The following WTAP variants were observed in gnomAD, a reference collection of about 807,000 sequenced individuals.
The protein encoded by WTAP is pre-mRNA-splicing regulator WTAP.
In WTAP, 8 loss-of-function variants were observed where a neutral mutation model predicts 50.0. The ratio of observed to expected loss-of-function variants is 0.16; its 90% CI spans 0.09 to 0.29. WTAP has a LOEUF of 0.29. Ranked by LOEUF, WTAP falls within the 10% of genes least tolerant of loss-of-function variation. WTAP has a pLI of 1.00. For synonymous variants in WTAP, 194 were observed against 169.0 expected (o/e 1.15, Z -1.15); for missense variants, 295 against 470.7 (o/e 0.63, Z 3.45).
rs1383812379 is a variant in WTAP at position 159,741,953 on chromosome 6, A to G, written c.87-135A>G. ...GGGGACAGAGCGAGACTCTGTCTAAAAAAAACTAGATTTAAAATGAAAAAT... is the reference window on the plus strand; with the variant it reads ...GGGGACAGAGCGAGACTCTGTCTAAGAAAAACTAGATTTAAAATGAAAAAT... On this transcript the variant is annotated intron_variant, in intron 3 of 7. Transcript: ENST00000621533. 4 of 693,392 alleles carry G rather than the reference A, an allele frequency of 5.8e-6. No individual in the cohort carries two copies. The South Asian group carries it at 7.1e-5, about 12-fold the overall frequency. The allele number at this position is 693,392 out of a possible 1,614,324, so 43.0% of individuals were successfully genotyped here.
chr6:159,737,258 A>G (rs1441717709), intron 2 of WTAP, among the ~76,000 whole-genome samples: 2 of 152,162 alleles, frequency 1.3e-5, no homozygotes, highest in Non-Finnish European at 2.9e-5. Context: ...CATGTTGCCC[A>G]GGCTGGTCTC....
intron 1 of WTAP, among the ~76,000 whole-genome samples, 159 bp downstream of exon 1, chr6:159,727,862 C>G (rs891935225): frequency 1.3e-5 from 2 of 152,222 alleles, no homozygotes; most frequent in Admixed American, 6.5e-5. Flanking sequence ...ACCTTCCCGC[C>G]TGCGGGGAAC....
At chr6:159,735,058 A>G (rs1293262256) in intron 1 of WTAP, among the ~76,000 whole-genome samples, 1 of 152,218 alleles carries the variant, frequency 6.6e-6, no homozygotes, top group Non-Finnish European at 1.5e-5. Context: ...AAAGAAGCTA[A>G]TTTTGAGATA....
chr6:159,741,647 T>C (rs1363634199), intron 3 of WTAP: 1 of 158,346 alleles, frequency 6.3e-6, no homozygotes, highest in East Asian at 1.9e-4. Flanking sequence ...TTTACCTGTT[T>C]CCTGTAAAAT....
intron 6 of WTAP, among the ~76,000 whole-genome samples, chr6:159,752,182 C>T (rs147136706): frequency 6.6e-6 from 1 of 152,036 alleles, no homozygotes; most frequent in African/African-American, 2.4e-5. Context: ...GTGTATCAGG[C>T]AAGTGAAAGC....
intron 4 of WTAP, among the ~76,000 whole-genome samples, chr6:159,743,340 C>T (rs192904793): frequency 1.1e-4 from 17 of 152,342 alleles, no homozygotes; most frequent in Admixed American, 1.1e-3. Context: ...AGCCTCTGTG[C>T]CCAGACAGCA....
At chr6:159,738,373 CA>C (rs1779048119) in intron 2 of WTAP, among the ~76,000 whole-genome samples, 1 of 151,960 alleles carries the variant, frequency 6.6e-6, no homozygotes, top group South Asian at 2.1e-4. Context: ...TTCCACTTAG[CA>C]CAGTTTCCTT....
intron 4 of WTAP, among the ~76,000 whole-genome samples, chr6:159,742,677 T>C (rs931736279): frequency 1.3e-5 from 2 of 152,214 alleles, no homozygotes; most frequent in Non-Finnish European, 2.9e-5. Flanking sequence ...AAAACCAATA[T>C]ATATTGTTTT....
upstream of WTAP, chr6:159,726,705 G>A (rs1420366785): frequency 5.0e-6 from 6 of 1,209,162 alleles, no homozygotes; most frequent in East Asian, 5.8e-5. Flanking sequence ...CAACGCCGCG[G>A]ACACAGCGCA....
Position 159,755,765 on chromosome 6 carries a change from CTTTTTTTTTTTTTTTT to C in WTAP, c.*164_*179del. 5 of 171,464 alleles carry C rather than the reference CTTTTTTTTTTTTTTTT, an allele frequency of 2.9e-5. No individual in the cohort carries two copies. The highest frequency in any genetic ancestry group is 1.4e-5 in the Non-Finnish European group (2 of 140,800). The allele number at this position is 171,464 out of a possible 1,614,324, so 10.6% of individuals were successfully genotyped here. ...TTTTTCTTTGTTTTTTTTTTCTTTTCTTTTTTTTTTTTTTTTTTTTTTTTTGCTTCAATACTTCTGC... is the reference window on the plus strand; with the variant it reads ...TTTTTCTTTGTTTTTTTTTTCTTTTCTTTTTTTTTGCTTCAATACTTCTGC... On this transcript the variant is annotated 3_prime_UTR_variant, in exon 8 of 8. Coordinates refer to ENST00000621533, the MANE Select transcript of WTAP (RefSeq NM_001270531.2).
At chr6:159,727,373 C>CGGGCAGGAGGCGGGAGGCGGGAGGCGGG, upstream of WTAP, 1 of 623,036 alleles carries the variant, frequency 1.6e-6, no homozygotes, top group Admixed American at 7.7e-5. Flanking sequence ...AGCGGGGAGG[C>CGGGCAGGAGGCGGGAGGCGGGAGGCGGG]TGGCGGGAGG....
chr6:159,726,778 A>G (rs1215852380), upstream of WTAP: 1 of 1,288,930 alleles, frequency 7.8e-7, no homozygotes, highest in African/African-American at 1.5e-5. Flanking sequence ...GGAGGAACGA[A>G]CCCAGCGGCC....
chr6:159,736,123 T>C (rs1778897875), intron 1 of WTAP, 135 bp from the exon 2 acceptor site: 8 of 909,262 alleles, frequency 8.8e-6, no homozygotes, highest in Non-Finnish European at 1.2e-5. Flanking sequence ...ATTTTAAAAT[T>C]GTTTATTTAA....
chr6:159,743,445 C>A (rs994406234), intron 4 of WTAP, among the ~76,000 whole-genome samples: 2 of 152,152 alleles, frequency 1.3e-5, no homozygotes, highest in East Asian at 1.9e-4. Context: ...GTAGATGAAA[C>A]TATAAAAACA....
chr6:159,743,932 T>G, intron 5 of WTAP, 140 bp downstream of exon 5: 1 of 979,236 alleles, frequency 1.0e-6, no homozygotes, highest in Non-Finnish European at 1.3e-6. Flanking sequence ...GCTTTAAGAA[T>G]ACTAGATGAA....
intron 4 of WTAP, 114 bp downstream of exon 4, chr6:159,742,260 A>G: frequency 1.2e-6 from 1 of 843,244 alleles, no homozygotes; most frequent in Non-Finnish European, 1.8e-6. Flanking sequence ...TTTTATTATA[A>G]GAACTGTACA....
At chr6:159,753,063 A>G (rs1454677420) in intron 6 of WTAP, among the ~76,000 whole-genome samples, 1 of 152,228 alleles carries the variant, frequency 6.6e-6, no homozygotes, top group African/African-American at 2.4e-5. Flanking sequence ...TTGATGTTGC[A>G]TGTACCTTTT....
rs1242173955 is a variant in WTAP, at chr6:159,755,442, C to G, written c.1022C>G (p.Ser341Cys). 6.2e-7 allele frequency: 1 copy of G among 1,614,002 alleles called. No homozygotes were observed. Among genetic ancestry groups the G allele is most frequent in the Non-Finnish European group, 8.5e-7 (1 of 1,179,994 alleles). The change falls in exon 8 of 8, where the codon TCT (serine) becomes TGT (cysteine). Residue 341 changes from serine to cysteine, a missense_variant. Ser to Cys is a moderately radical substitution (Grantham distance 112, BLOSUM62 -1). Transcript: ENST00000621533. ...QLSAGYESVD[S>C]PTGSENSLTH... ...AGTGCGGGGTATGAAAGTGTAGACT[C>G]TCCCACGGGCAGTGAAAACTCTCTC...
rs1408254473 is a variant in WTAP, at chr6:159,755,721, T to A, written c.*110T>A. The A allele has an allele frequency of 8.0e-7, 1 of 1,257,116 alleles. No individual in the cohort carries two copies. Among genetic ancestry groups the A allele is most frequent in the African/African-American group, 1.6e-5 (1 of 63,860 alleles). The allele number at this position is 1,257,116 out of a possible 1,614,324, so 77.9% of individuals were successfully genotyped here. On this transcript the variant is annotated 3_prime_UTR_variant, in exon 8 of 8. Coordinates refer to ENST00000621533, the MANE Select transcript of WTAP (RefSeq NM_001270531.2). The stretch of plus-strand genomic sequence containing the variant: ...TTTGCCTTTTTGTGGGTGTACGTTT[T>A]GGTTTTTTTTTGTTGTTTTTTTTCT...
Sources: allele counts gnomAD v4.1 joint callset (sites outside exome capture counted in the v4.1 genomes callset), GRCh38; gene constraint gnomAD v4.1.1; transcripts MANE v1.5; gene names NCBI Gene and HGNC (gene_info 2026-07-23, HGNC 2026-07-21).